UTRN: variants seen among roughly 807,000 people sequenced by gnomAD.
UTRN encodes the protein dystrophin-related protein 1.
Under a neutral mutation model 463.9 loss-of-function variants are expected in UTRN, and 283 were observed. The observed-to-expected ratio is 0.61, with a 90% CI of 0.55 to 0.67. The LOEUF (loss-of-function observed/expected upper bound fraction) is 0.67, where lower values mean the gene tolerates loss of function less well. Ranked by LOEUF, UTRN falls within the 30% of genes least tolerant of loss-of-function variation. The probability of loss-of-function intolerance (pLI) is 0.00; values close to 1 mark genes in which losing one functional copy is unlikely to be tolerated. For missense variants in UTRN, 3,922 were observed against 4,084.3 expected, an observed-to-expected ratio of 0.96 and a Z score of 1.08; for synonymous variants, 1,442 against 1,431.5, an observed-to-expected ratio of 1.01 and a Z score of -0.17.
At chr6:144,647,665 G>T (rs1381318654) in intron 51 of UTRN, among the ~76,000 whole-genome samples, 1 of 152,238 alleles carries the variant, frequency 6.6e-6, no homozygotes, top group Non-Finnish European at 1.5e-5. Flanking sequence ...AGGCAAATGT[G>T]CAGTAAATGC....
intron 50 of UTRN, among the ~76,000 whole-genome samples, chr6:144,571,680 G>A (rs1800953827): frequency 6.6e-6 from 1 of 152,152 alleles, no homozygotes. Flanking sequence ...ATTATTACCA[G>A]CTAAAAACTG....
intron 50 of UTRN, among the ~76,000 whole-genome samples, chr6:144,572,666 T>G (rs1240278485): frequency 6.6e-6 from 1 of 152,102 alleles, no homozygotes; most frequent in Non-Finnish European, 1.5e-5. Flanking sequence ...TATGTTCCTG[T>G]GTTAGTTTGC....
At chr6:144,436,782 A>T (rs1786579754) in intron 10 of UTRN, among the ~76,000 whole-genome samples, 1 of 144,712 alleles carries the variant, frequency 6.9e-6, no homozygotes, top group South Asian at 2.1e-4. Context: ...TATAATAAAT[A>T]AATATATATT....
intron 52 of UTRN, among the ~76,000 whole-genome samples, chr6:144,690,117 G>T (rs1783236023): frequency 9.4e-6 from 1 of 106,810 alleles, no homozygotes; most frequent in African/African-American, 3.8e-5. Context: ...GTGTGTGTGT[G>T]TGTGTGTGTG....
intron 53 of UTRN, among the ~76,000 whole-genome samples, chr6:144,716,203 A>G (rs902354720): frequency 6.0e-5 from 9 of 150,844 alleles, no homozygotes; most frequent in African/African-American, 1.9e-4. Flanking sequence ...GAATTGGCAT[A>G]CCTTTAATTG....
intron 2 of UTRN, among the ~76,000 whole-genome samples, chr6:144,296,846 C>T (rs1343284967): frequency 6.6e-6 from 1 of 152,190 alleles, no homozygotes; most frequent in Non-Finnish European, 1.5e-5. Context: ...GTTAGTATCT[C>T]AGAGCCCTGA....
intron 28 of UTRN, among the ~76,000 whole-genome samples, chr6:144,486,068 G>A (rs985475314): frequency 3.9e-5 from 6 of 152,172 alleles, no homozygotes; most frequent in Non-Finnish European, 7.3e-5. Context: ...TGTAGCACAT[G>A]TTAACTTAAT....
chr6:144,529,026 A>T (rs1296812681), intron 41 of UTRN, among the ~76,000 whole-genome samples: 8 of 152,098 alleles, frequency 5.3e-5, no homozygotes, highest in African/African-American at 1.9e-4. Flanking sequence ...TTATGTTCCC[A>T]GGGGGATTAT....
chr6:144,656,497 G>A (rs1331420967), intron 51 of UTRN, among the ~76,000 whole-genome samples: 1 of 152,084 alleles, frequency 6.6e-6, no homozygotes, highest in East Asian at 1.9e-4. Context: ...CTGCAGCTTC[G>A]ACCTTCTGGG....
At chr6:144,641,973 G>A (rs999484255) in intron 51 of UTRN, among the ~76,000 whole-genome samples, 1 of 152,162 alleles carries the variant, frequency 6.6e-6, no homozygotes, top group African/African-American at 2.4e-5. Context: ...AGTAAGGTAT[G>A]TAAAACCTGT....
chr6:144,494,418 G>T (rs992243681), intron 33 of UTRN, among the ~76,000 whole-genome samples: 2 of 152,184 alleles, frequency 1.3e-5, no homozygotes, highest in Non-Finnish European at 2.9e-5. Flanking sequence ...GCAGACCTTT[G>T]CAGTGAGTGT....
At chr6:144,449,514 G>A (rs1788039043) in intron 17 of UTRN, among the ~76,000 whole-genome samples, 1 of 152,050 alleles carries the variant, frequency 6.6e-6, no homozygotes, top group African/African-American at 2.4e-5. Flanking sequence ...CAAGGTCATT[G>A]GAAACGTGCG....
chr6:144,693,877 C>G (rs1212429304), intron 52 of UTRN, among the ~76,000 whole-genome samples: 3 of 152,110 alleles, frequency 2.0e-5, no homozygotes, highest in Admixed American at 6.6e-5. Flanking sequence ...ATTTGGTAGC[C>G]CTTTATTTCT....
intron 74 of UTRN, among the ~76,000 whole-genome samples, chr6:144,849,343 G>A (rs1586821613): frequency 6.6e-6 from 1 of 152,266 alleles, no homozygotes; most frequent in East Asian, 1.9e-4. Context: ...CAGGTGGAAT[G>A]AGGCTGTGAG....
intron 28 of UTRN, among the ~76,000 whole-genome samples, chr6:144,486,733 T>C (rs975515324): frequency 6.6e-6 from 1 of 152,180 alleles, no homozygotes; most frequent in African/African-American, 2.4e-5. Flanking sequence ...TCGGCCAGGC[T>C]GGGCTCGAAC....
chr6:144,405,498 A>T (rs1424841229), intron 3 of UTRN, among the ~76,000 whole-genome samples: 1 of 152,198 alleles, frequency 6.6e-6, no homozygotes, highest in East Asian at 1.9e-4. Flanking sequence ...AAAAAAAATA[A>T]ATCCCGTTGA....
At chr6:144,577,661 A>G (rs573464955) in intron 51 of UTRN, among the ~76,000 whole-genome samples, 64 of 152,276 alleles carry the variant, frequency 4.2e-4, no homozygotes, top group African/African-American at 1.5e-3. Context: ...ACTTAATATA[A>G]AAGCTGCAAA....
chr6:144,688,698 A>G (rs186899188), intron 52 of UTRN, among the ~76,000 whole-genome samples: 1 of 152,262 alleles, frequency 6.6e-6, no homozygotes, highest in Admixed American at 6.5e-5. Flanking sequence ...TACTCATTGT[A>G]GTAGTAATGT....
At chr6:144,309,769 A>C (rs370455437) in intron 2 of UTRN, among the ~76,000 whole-genome samples, 1 of 152,314 alleles carries the variant, frequency 6.6e-6, no homozygotes, top group South Asian at 2.1e-4. Flanking sequence ...CCAAGTCTGC[A>C]GTGACTCCCC....
Sources: gnomAD v4.1 joint callset for allele counts (sites outside exome capture counted in the v4.1 genomes callset) on GRCh38, gnomAD v4.1.1 for gene constraint, MANE v1.5 for transcripts, NCBI Gene and HGNC (gene_info 2026-07-23, HGNC 2026-07-21) for gene names.